The following PPP2R2B variants were observed in gnomAD, a reference collection of about 807,000 sequenced individuals.
The protein encoded by PPP2R2B is serine/threonine-protein phosphatase 2A 55 kDa regulatory subunit B beta isoform.
In PPP2R2B, 5 loss-of-function variants were observed where a neutral mutation model predicts 46.0. That is an observed-to-expected ratio of 0.11 (90% CI 0.06 to 0.23). The LOEUF (loss-of-function observed/expected upper bound fraction) is 0.23, where lower values mean the gene tolerates loss of function less well. Among genes scored for constraint, PPP2R2B ranks in the 10% least tolerant of loss-of-function variants. PPP2R2B has a pLI of 1.00. For synonymous variants in PPP2R2B, 215 were observed against 206.7 expected (o/e 1.04, Z -0.34); for missense variants, 367 against 575.0 (o/e 0.64, Z 3.70).
In PPP2R2B at chr5:146,625,819, A is replaced by G. The variant is rs112248308; in HGVS notation, c.790+12432T>C. On this transcript the variant is annotated intron_variant, in intron 7 of 9. Transcript: ENST00000394411. ...CAGCTGACCTTAAGGTGGGGAGAGT[A>G]TCTTGGATTACCCAGGTGGGCCCAG... Among the ~76,000 whole-genome samples the G allele has an allele frequency of 1.6e-3, 243 of 152,290 alleles. 3 individuals carry two copies. The highest frequency in any genetic ancestry group is 5.6e-3 in the African/African-American group (234 of 41,580).
intron 1 of PPP2R2B, among the ~76,000 whole-genome samples, chr5:146,960,022 T>C (rs973110829): frequency 6.6e-6 from 1 of 152,196 alleles, no homozygotes; most frequent in African/African-American, 2.4e-5. Flanking sequence ...CACTTTTAGT[T>C]GATTGCAAAA....
chr5:146,904,671 A>G (rs17462154), intron 1 of PPP2R2B, among the ~76,000 whole-genome samples: 3,993 of 152,304 alleles, frequency 0.026, 76 homozygotes, highest in Admixed American at 0.049. Flanking sequence ...TAGCCTCAGT[A>G]TAGAATGAAA....
At chr5:146,914,420 G>A (rs1763304458) in intron 1 of PPP2R2B, 1 of 152,128 alleles carries the variant, frequency 6.6e-6, no homozygotes, top group Non-Finnish European at 1.5e-5. Context: ...CTGCATCCTG[G>A]TACGTCATTA....
At chr5:146,950,854 C>A (rs1001621761) in intron 1 of PPP2R2B, among the ~76,000 whole-genome samples, 7 of 151,922 alleles carry the variant, frequency 4.6e-5, no homozygotes, top group African/African-American at 1.7e-4. Flanking sequence ...CATAGGTATG[C>A]CATTTACCAG....
intron 1 of PPP2R2B, among the ~76,000 whole-genome samples, chr5:146,957,219 T>A (rs2151839457): frequency 6.6e-6 from 1 of 152,328 alleles, no homozygotes; most frequent in Non-Finnish European, 1.5e-5. Flanking sequence ...AGGTGAGTCT[T>A]ATTTAAAAAT....
At chr5:146,633,376 G>T (rs1468761738) in intron 7 of PPP2R2B, among the ~76,000 whole-genome samples, 1 of 152,130 alleles carries the variant, frequency 6.6e-6, no homozygotes, top group South Asian at 2.1e-4. Flanking sequence ...CACACACCTC[G>T]GCTGAACTGC....
chr5:146,943,774 T>C (rs1764397220), intron 1 of PPP2R2B, among the ~76,000 whole-genome samples: 1 of 152,184 alleles, frequency 6.6e-6, no homozygotes, highest in East Asian at 1.9e-4. Flanking sequence ...AAATCCAGCT[T>C]ACTGAAACAA....
chr5:146,684,295 G>A (rs529747941), intron 5 of PPP2R2B, among the ~76,000 whole-genome samples: 78 of 152,282 alleles, frequency 5.1e-4, no homozygotes, highest in African/African-American at 1.8e-3. Context: ...AGCATATACC[G>A]AAAATTAAAA....
chr5:146,804,386 G>C (rs1399973305), intron 2 of PPP2R2B, among the ~76,000 whole-genome samples: 1 of 152,064 alleles, frequency 6.6e-6, no homozygotes, highest in Non-Finnish European at 1.5e-5. Context: ...ACTAGCATCT[G>C]GCAGACCCGG....
chr5:146,750,874 T>C (rs752496362), intron 2 of PPP2R2B, among the ~76,000 whole-genome samples: 3 of 152,204 alleles, frequency 2.0e-5, no homozygotes, highest in Non-Finnish European at 4.4e-5. Context: ...GCAGCCTCTC[T>C]GTGGTCTCAG....
At chr5:146,670,548 T>G (rs1777281638) in intron 5 of PPP2R2B, among the ~76,000 whole-genome samples, 2 of 152,058 alleles carry the variant, frequency 1.3e-5, no homozygotes, top group South Asian at 4.2e-4. Flanking sequence ...CAGGTTGCAG[T>G]GCAGTGGCGC....
intron 2 of PPP2R2B, among the ~76,000 whole-genome samples, chr5:146,710,702 T>C (rs1168323272): frequency 6.6e-6 from 1 of 152,206 alleles, no homozygotes; most frequent in East Asian, 1.9e-4. Context: ...ACAAACTCTG[T>C]CAATCATTCA....
intron 2 of PPP2R2B, among the ~76,000 whole-genome samples, chr5:146,832,869 C>T (rs916265968): frequency 1.2e-4 from 18 of 151,824 alleles, no homozygotes; most frequent in African/African-American, 4.1e-4. Context: ...CTATACCACC[C>T]CAGGTTTGTG....
chr5:146,777,152 A>T (rs1189484543), intron 2 of PPP2R2B, among the ~76,000 whole-genome samples: 1 of 152,104 alleles, frequency 6.6e-6, no homozygotes, highest in Non-Finnish European at 1.5e-5. Context: ...GAAAACAGTG[A>T]CTCAAATAGA....
intron 1 of PPP2R2B, among the ~76,000 whole-genome samples, chr5:146,902,743 C>G (rs1210980898): frequency 6.6e-6 from 1 of 152,236 alleles, no homozygotes; most frequent in Non-Finnish European, 1.5e-5. Context: ...ACTCCTTAAG[C>G]TGATAATCGT....
intron 1 of PPP2R2B, among the ~76,000 whole-genome samples, chr5:146,970,660 ATTT>A (rs1294289637): frequency 6.6e-6 from 1 of 152,118 alleles, no homozygotes; most frequent in East Asian, 1.9e-4. Flanking sequence ...AGAAATGAAT[ATTT>A]AAGTCACAGG....
At chr5:147,081,342 T>C in exon 1 of PPP2R2B, 1 of 1,511,698 alleles carries the variant, frequency 6.6e-7, no homozygotes, top group Non-Finnish European at 8.9e-7. Flanking sequence ...TGTGAATCAC[T>C]GCTCTGTCTC....
At chr5:146,728,530 C>G (rs1003016280) in intron 2 of PPP2R2B, among the ~76,000 whole-genome samples, 4 of 152,104 alleles carry the variant, frequency 2.6e-5, no homozygotes, top group African/African-American at 9.7e-5. Flanking sequence ...ACTTTGCTCT[C>G]CTGTCTTCGT....
At chr5:146,794,902 G>T (rs1468061750) in intron 2 of PPP2R2B, among the ~76,000 whole-genome samples, 1 of 152,100 alleles carries the variant, frequency 6.6e-6, no homozygotes, top group Non-Finnish European at 1.5e-5. Flanking sequence ...AAATGGGACT[G>T]GACTAATTTC....
Sources: allele counts gnomAD v4.1 joint callset (sites outside exome capture counted in the v4.1 genomes callset), GRCh38; gene constraint gnomAD v4.1.1; transcripts MANE v1.5; gene names NCBI Gene and HGNC (gene_info 2026-07-23, HGNC 2026-07-21).